PABPC1: variants seen among roughly 807,000 people sequenced by gnomAD.
PABPC1 encodes poly(A) binding protein cytoplasmic 1.
Under a neutral mutation model 74.0 loss-of-function variants are expected in PABPC1, and 4 were observed. The observed-to-expected ratio is 0.05, with a 90% CI of 0.03 to 0.12. PABPC1 has a LOEUF of 0.12. PABPC1 is among the 10% of genes least tolerant of loss of function. The pLI, the probability that PABPC1 is intolerant of heterozygous loss-of-function variation, is 1.00. For synonymous variants in PABPC1, 227 were observed against 264.1 expected, an observed-to-expected ratio of 0.86 and a Z score of 1.36; for missense variants, 271 against 821.1, an observed-to-expected ratio of 0.33 and a Z score of 8.19.
rs545734286 is a variant in PABPC1 at position 100,718,070 on chromosome 8, G to A, written c.387+17C>T. ...GCTCAACAATGTAAACATGTGTATC[G>A]GACATTTTTGGCTTACCTTACATGA... is the stretch of plus-strand genomic sequence containing the variant. On this transcript the variant is annotated intron_variant, in intron 2 of 14. Coordinates refer to ENST00000318607, the MANE Select transcript of PABPC1 (RefSeq NM_002568.4). The A allele has an allele frequency of 1.3e-5, 21 of 1,580,516 alleles. No individual in the cohort carries two copies. In the South Asian group the frequency reaches 1.7e-4, roughly 13 times the overall value.
chr8:100,707,259 A>T lies in PABPC1; in HGVS notation c.1337-262T>A, dbSNP rs182826726. The T allele has an allele frequency of 7.2e-3, 2,224 of 309,100 alleles. 18 individuals carry two copies. Among genetic ancestry groups the T allele is most frequent in the Non-Finnish European group, 0.01 (1,686 of 161,566 alleles). 19.1% of individuals were successfully genotyped at this position (309,100 alleles called of 1,614,324 possible). A position where few individuals can be genotyped will look rare whatever the true frequency, so the allele number is the denominator to read the frequency against. On this transcript the variant is annotated intron_variant, in intron 9 of 14. Coordinates refer to ENST00000318607, the MANE Select transcript of PABPC1 (RefSeq NM_002568.4). ...TTCTCCCTGTATGCAGCGACGAGAG[A>T]GTGCAGAAATAAAGACACGAGACAC...
intron 14 of PABPC1, among the ~76,000 whole-genome samples, chr8:100,703,643 C>CA (rs1354394023): frequency 4.6e-5 from 7 of 152,268 alleles, no homozygotes; most frequent in Admixed American, 4.6e-4. Context: ...CTGCACTACT[C>CA]AATTTCTTGG....
rs541213946 is a variant in PABPC1, at chr8:100,705,516, T to C, written c.1687+73A>G. The C allele has an allele frequency of 8.3e-5, 73 of 884,708 alleles. 1 individual carries two copies. In the South Asian group the frequency reaches 8.9e-4, roughly 11 times the overall value. The allele number at this position is 884,708 out of a possible 1,614,324, so 54.8% of individuals were successfully genotyped here. On this transcript the variant is annotated intron_variant, in intron 12 of 14. Transcript: ENST00000318607. ...TTCCACTGCCCTAGCTGTCAATTGA[T>C]TGACCTAGTGCCTAAGTGATTCCTA...
At chr8:100,705,120 C>T (rs2129669205) in intron 12 of PABPC1, 64 bp from the exon 13 acceptor site, 1 of 1,344,950 alleles carries the variant, frequency 7.4e-7, no homozygotes, top group Non-Finnish European at 1.0e-6. Flanking sequence ...CATTGAATTA[C>T]CACATTAAAC....
At chr8:100,705,130 C>CCCCAGTTTAATG in intron 12 of PABPC1, 74 bp from the exon 13 acceptor site, 1 of 1,265,108 alleles carries the variant, frequency 7.9e-7, no homozygotes. Context: ...CCACATTAAA[C>CCCCAGTTTAATG]TGGGGTTTAA....
chr8:100,720,117 A>C (rs762429937), intron 1 of PABPC1, among the ~76,000 whole-genome samples: 11 of 152,292 alleles, frequency 7.2e-5, no homozygotes, highest in Middle Eastern at 3.4e-3. Flanking sequence ...TGAATTCTTC[A>C]TATTTCGATT....
At chr8:100,715,872 T>A (rs556508269) in intron 3 of PABPC1, among the ~76,000 whole-genome samples, 1 of 152,266 alleles carries the variant, frequency 6.6e-6, no homozygotes, top group East Asian at 1.9e-4. Context: ...ATCACTCCCA[T>A]CAATACAAAT....
At chr8:100,704,878 C>G in intron 13 of PABPC1, 48 bp downstream of exon 13, 1 of 1,598,198 alleles carries the variant, frequency 6.3e-7, no homozygotes, top group African/African-American at 1.3e-5. Context: ...CATAAAAAGC[C>G]ACGTAATAAC....
At chr8:100,714,937 C>T (rs1253235023) in intron 4 of PABPC1, among the ~76,000 whole-genome samples, 1 of 152,042 alleles carries the variant, frequency 6.6e-6, no homozygotes, top group Non-Finnish European at 1.5e-5. Context: ...TTTTTAAATG[C>T]AGGAAATAAG....
rs1810471958 is a variant in PABPC1, at chr8:100,709,494, G to T, written c.1210C>A (p.Pro404Thr). ...GCTGCCATGAAGTAACCTGAAGGAGGTGCTGGCTGGTAGGGGTTGATTACA... is the reference window on the plus strand; with the variant it reads ...GCTGCCATGAAGTAACCTGAAGGAGTTGCTGGCTGGTAGGGGTTGATTACA... ...NPVINPYQPA[P>T]PSGYFMAAIP... The change falls in exon 8 of 15, where the codon CCT becomes ACT. Residue 404 changes from proline to threonine, a missense_variant. By Grantham distance (38) the Pro-to-Thr change is conservative (BLOSUM62 -1). This residue lies in a region of PABPC1 where 103 missense variants were observed against 245.3 expected (regional missense o/e 0.42). Coordinates refer to ENST00000318607, the MANE Select transcript of PABPC1 (RefSeq NM_002568.4). 1 of 1,614,234 alleles carries T rather than the reference G, an allele frequency of 6.2e-7. No individual in the cohort carries two copies. The highest frequency in any genetic ancestry group is 2.2e-5 in the East Asian group (1 of 44,888).
At chr8:100,717,472 A>G (rs73700215) in intron 3 of PABPC1, among the ~76,000 whole-genome samples, 1 of 152,162 alleles carries the variant, frequency 6.6e-6, no homozygotes, top group African/African-American at 2.4e-5. Flanking sequence ...TGAAAAAGCT[A>G]CATTTTTCTG....
At position 100,721,245 on chromosome 8, in the gene PABPC1, G is replaced by C. The variant is rs1428867025; in HGVS notation, c.193+146C>G. ...CCGGCTCGGGAAACGCGGCTCCAGG[G>C]ACCCCGGCGCCTTCCCGCCGGCCGT... is the stretch of plus-strand genomic sequence containing the variant. On this transcript the variant is annotated intron_variant, in intron 1 of 14. Transcript: ENST00000318607. The surrounding 1 kb of genome is among the most constrained non-coding windows in gnomAD (Gnocchi z 7.4). 4.2e-6 allele frequency: 1 copy of C among 239,172 alleles called. No homozygotes were observed. The highest frequency in any genetic ancestry group is 2.3e-5 in the African/African-American group (1 of 42,882). 14.8% of individuals were successfully genotyped at this position (239,172 alleles called of 1,614,324 possible).
In PABPC1 at chr8:100,709,156, G is replaced by A; in HGVS notation, c.1313C>T (p.Thr438Ile). 1.2e-6 allele frequency: 2 copies of A among 1,613,888 alleles called. No individual in the cohort carries two copies. The highest frequency in any genetic ancestry group is 1.7e-6 in the Non-Finnish European group (2 of 1,179,966). ...IAQLRPSPRW[T>I]AQGARPHPFQ... is the part of the protein sequence containing the mutation. ...ACGATGAGGTCTGGCACCCTGAGCA[G>A]TCCAGCGAGGACTTGGTCTTAGTTG... Residue 438 changes from threonine (T) to isoleucine (I), a missense_variant, in exon 9 of 15, where the codon ACT (threonine) becomes ATT (isoleucine). Thr to Ile is a moderately conservative substitution (Grantham distance 89). Coordinates refer to ENST00000318607, the MANE Select transcript of PABPC1 (RefSeq NM_002568.4).
intron 9 of PABPC1, 28 bp from the exon 10 acceptor site, chr8:100,707,025 T>A: frequency 7.3e-7 from 1 of 1,371,726 alleles, no homozygotes; most frequent in Non-Finnish European, 1.0e-6. Flanking sequence ...GAATATACAT[T>A]AACTGGGAAA....
intron 12 of PABPC1, among the ~76,000 whole-genome samples, chr8:100,705,368 A>G (rs1237306965): frequency 1.3e-5 from 2 of 152,244 alleles, no homozygotes; most frequent in African/African-American, 4.8e-5. Context: ...GTGAGGGCCC[A>G]TGGTGAGTAA....
In PABPC1 at chr8:100,721,696, G is replaced by A; in HGVS notation, c.-113C>T. ...GGGAGGGGAGCGGGGAGCAAGCGCA[G>A]AGGGACAAAAATCAACCGGAATTGA... On this transcript the variant is annotated 5_prime_UTR_variant, in exon 1 of 15. Transcript: ENST00000318607. This position sits in a 1 kb window ranked among gnomAD's most constrained non-coding sequence, Gnocchi z 7.4. 2.2e-6 allele frequency: 2 copies of A among 923,356 alleles called. No individual in the cohort carries two copies. The highest frequency in any genetic ancestry group is 6.2e-5 in the East Asian group (2 of 32,174). 57.2% of individuals were successfully genotyped at this position (923,356 alleles called of 1,614,324 possible). A position where few individuals can be genotyped will look rare whatever the true frequency, so the allele number is the denominator to read the frequency against.
chr8:100,712,551 T>G, intron 6 of PABPC1, 94 bp from the exon 7 acceptor site: 2 of 1,480,214 alleles, frequency 1.4e-6, no homozygotes, highest in Non-Finnish European at 1.8e-6. Flanking sequence ...TCTTCTCCTA[T>G]TCCCCTCTCA....
intron 4 of PABPC1, among the ~76,000 whole-genome samples, chr8:100,713,620 T>G (rs73700211): frequency 0.05 from 7,569 of 152,210 alleles, 618 homozygotes; most frequent in African/African-American, 0.17. Flanking sequence ...TTACCAAGTA[T>G]CTGGGACTAC....
intron 14 of PABPC1, chr8:100,703,977 C>A (rs752080713): frequency 2.3e-5 from 5 of 218,614 alleles, no homozygotes; most frequent in Non-Finnish European, 4.5e-5. Flanking sequence ...ATTGCTTGAA[C>A]CTGGGAGGTG....
Sources: gnomAD v4.1 joint callset for allele counts (sites outside exome capture counted in the v4.1 genomes callset) on GRCh38, gnomAD v4.1.1 for gene constraint, gnomAD v4.1.1 regional missense constraint, Gnocchi (gnomAD v3.1) non-coding constraint, MANE v1.5 for transcripts, NCBI Gene and HGNC (gene_info 2026-07-23, HGNC 2026-07-21) for gene names.